The following IFNGR2 variants were observed in gnomAD, a reference collection of about 807,000 sequenced individuals.
IFNGR2 encodes the protein interferon gamma receptor 2, also known as IFN-gamma receptor 2.
Under a neutral mutation model 41.1 loss-of-function variants are expected in IFNGR2, and 15 were observed. That is an observed-to-expected ratio of 0.37 (90% CI 0.24 to 0.56). The LOEUF (loss-of-function observed/expected upper bound fraction) is 0.56, where lower values mean the gene tolerates loss of function less well. Ranked by LOEUF, IFNGR2 falls within the 20% of genes least tolerant of loss-of-function variation. The pLI, the probability that IFNGR2 is intolerant of heterozygous loss-of-function variation, is 0.81. For missense variants in IFNGR2, 362 were observed against 415.7 expected, an observed-to-expected ratio of 0.87 and a Z score of 1.12; for synonymous variants, 161 against 171.6, an observed-to-expected ratio of 0.94 and a Z score of 0.48.
In IFNGR2 at chr21:33,436,871, A is replaced by G; in HGVS notation, c.923A>G (p.Lys308Arg). ...CAGCCCATCTTAGAGGCCTTGGACA[A>G]GGACAGCTCACCAAAGGATGACGTC... is the stretch of plus-strand genomic sequence containing the variant. Reference protein sequence around the residue: ...PTQPILEALDKDSSPKDDVWD... With the variant: ...PTQPILEALDRDSSPKDDVWD... The change falls in exon 7 of 7, where the codon AAG (lysine) becomes AGG (arginine). Residue 308 changes from lysine (K) to arginine (R), a missense_variant. Physicochemically the swap from Lys to Arg is conservative, Grantham distance 26 (BLOSUM62 2). Transcript: ENST00000290219. The G allele has an allele frequency of 6.2e-7, 1 of 1,614,122 alleles. No individual in the cohort carries two copies. The highest frequency in any genetic ancestry group is 8.5e-7 in the Non-Finnish European group (1 of 1,179,932).
chr21:33,413,310 G>A (rs1315089159), intron 1 of IFNGR2, among the ~76,000 whole-genome samples: 2 of 152,190 alleles, frequency 1.3e-5, no homozygotes, highest in South Asian at 4.1e-4. Context: ...GGCCTGCTGT[G>A]TGTCAGGAGA....
rs982242535 is a variant in IFNGR2, at chr21:33,434,827, G to GTAAT, written c.879+1957_879+1960dup. On this transcript the variant is annotated intron_variant, in intron 6 of 6. Coordinates refer to ENST00000290219, the MANE Select transcript of IFNGR2 (RefSeq NM_005534.4). ...AACAGGTCTCAGAATCTTACTTGCA[G>GTAAT]TAATAATCTCTCTCTCTCCTGGTAG... Among the ~76,000 whole-genome samples, 121 of 152,242 alleles carry GTAAT rather than the reference G, an allele frequency of 7.9e-4. 1 individual carries two copies. Among genetic ancestry groups the GTAAT allele is most frequent in the African/African-American group, 2.6e-3 (109 of 41,546 alleles).
intron 3 of IFNGR2, among the ~76,000 whole-genome samples, chr21:33,422,411 T>G (rs184602528): frequency 6.6e-6 from 1 of 152,224 alleles, no homozygotes; most frequent in East Asian, 1.9e-4. Context: ...ATAAGACAAT[T>G]GAAATGTGAT....
At chr21:33,415,738 C>G (rs1379562780) in intron 2 of IFNGR2, among the ~76,000 whole-genome samples, 2 of 152,170 alleles carry the variant, frequency 1.3e-5, no homozygotes, top group African/African-American at 4.8e-5. Context: ...TCACCTGATG[C>G]TGTTTGCAGA....
At chr21:33,426,268 C>T (rs1338366035) in intron 3 of IFNGR2, among the ~76,000 whole-genome samples, 1 of 151,882 alleles carries the variant, frequency 6.6e-6, no homozygotes, top group South Asian at 2.1e-4. Flanking sequence ...CAAAAATTAG[C>T]CGGGTATGGT....
rs115458101 is a variant in IFNGR2, at chr21:33,432,763, G to A, written c.771G>A (p.Ser257=). Residue 257 remains serine (S), a synonymous_variant, in exon 6 of 7, where the codon TCG becomes TCA. Transcript: ENST00000290219. ...TCCTGATCTCCGTGGGAACATTTTC[G>A]TTGCTGTCGGTGCTGGCAGGAGCCT... ...QVILISVGTF[S]LLSVLAGACF... 42 of 1,614,048 alleles carry A rather than the reference G, an allele frequency of 2.6e-5. No homozygotes were observed. The African/African-American group carries it at 2.9e-4, about 11-fold the overall frequency.
intron 4 of IFNGR2, among the ~76,000 whole-genome samples, chr21:33,429,876 C>T (rs2083871108): frequency 6.6e-6 from 1 of 152,168 alleles, no homozygotes; most frequent in Non-Finnish European, 1.5e-5. Flanking sequence ...CGGTGGCTTA[C>T]GCCTGTAATC....
chr21:33,432,765 T>G lies in IFNGR2; in HGVS notation c.773T>G (p.Leu258Trp). 1 of 1,614,154 alleles carries G rather than the reference T, an allele frequency of 6.2e-7. No individual in the cohort carries two copies. Among genetic ancestry groups the G allele is most frequent in the Non-Finnish European group, 8.5e-7 (1 of 1,180,018 alleles). ...VILISVGTFS[L>W]LSVLAGACFF... ...CTGATCTCCGTGGGAACATTTTCGTTGCTGTCGGTGCTGGCAGGAGCCTGT... is the reference window on the plus strand; with the variant it reads ...CTGATCTCCGTGGGAACATTTTCGTGGCTGTCGGTGCTGGCAGGAGCCTGT... Residue 258 changes from leucine (L) to tryptophan (W), a missense_variant, in exon 6 of 7, where the codon TTG becomes TGG. Transcript: ENST00000290219.
chr21:33,431,396 CCT>C (rs1216439031), intron 4 of IFNGR2, among the ~76,000 whole-genome samples: 3 of 152,022 alleles, frequency 2.0e-5, no homozygotes, highest in Non-Finnish European at 4.4e-5. Flanking sequence ...ATGGTGAAAC[CCT>C]GTTTCTACTA....
Position 33,437,077 on chromosome 21 carries a change from G to T in IFNGR2, c.*115G>T. 1 of 1,029,246 alleles carries T rather than the reference G, an allele frequency of 9.7e-7. No homozygotes were observed. The highest frequency in any genetic ancestry group is 2.5e-5 in the East Asian group (1 of 40,814). The allele number at this position is 1,029,246 out of a possible 1,614,324, so 63.8% of individuals were successfully genotyped here. ...TATTCCCTTTTGCTGCCTCTAAAAGGCCTGTCCCTGCAGACATGAGAGACA... is the reference window on the plus strand; with the variant it reads ...TATTCCCTTTTGCTGCCTCTAAAAGTCCTGTCCCTGCAGACATGAGAGACA... On this transcript the variant is annotated 3_prime_UTR_variant, in exon 7 of 7. Transcript: ENST00000290219.
chr21:33,423,290 C>T (rs1034848510), intron 3 of IFNGR2, among the ~76,000 whole-genome samples: 7 of 152,110 alleles, frequency 4.6e-5, no homozygotes, highest in Non-Finnish European at 5.9e-5. Context: ...CCGCCCGCCT[C>T]GGCCTCCCAA....
In IFNGR2 at chr21:33,432,401, G is replaced by A. The variant is rs543042151; in HGVS notation, c.721+65G>A. ...AGAATACTCCTCCAATAGTGAAATC[G>A]GGGAATGCTTATGAGGTCATGGGTG... On this transcript the variant is annotated intron_variant, in intron 5 of 6. Transcript: ENST00000290219. 1.2e-4 allele frequency: 171 copies of A among 1,484,816 alleles called. No homozygotes were observed. In the African/African-American group the frequency reaches 1.8e-3, roughly 16 times the overall value. The allele number at this position is 1,484,816 out of a possible 1,614,324, so 92.0% of individuals were successfully genotyped here.
chr21:33,434,584 C>T (rs1331708077), intron 6 of IFNGR2, among the ~76,000 whole-genome samples: 1 of 151,986 alleles, frequency 6.6e-6, no homozygotes, highest in Admixed American at 6.6e-5. Flanking sequence ...TTGGGTAAAC[C>T]TAGAGTAAAG....
intron 2 of IFNGR2, among the ~76,000 whole-genome samples, chr21:33,415,554 TATAG>T (rs2083747997): frequency 6.6e-6 from 1 of 152,226 alleles, no homozygotes; most frequent in Non-Finnish European, 1.5e-5. Context: ...TATAAATACA[TATAG>T]AAAGAGGGCA....
chr21:33,409,083 A>G (rs1054132253), intron 1 of IFNGR2, among the ~76,000 whole-genome samples: 2 of 152,020 alleles, frequency 1.3e-5, no homozygotes, highest in African/African-American at 4.8e-5. Flanking sequence ...AGGCTGAGGC[A>G]GGAGAATCGC....
At chr21:33,413,515 G>C (rs1292196440) in intron 1 of IFNGR2, among the ~76,000 whole-genome samples, 1 of 152,186 alleles carries the variant, frequency 6.6e-6, no homozygotes, top group East Asian at 1.9e-4. Context: ...TTCCTGCTTT[G>C]AATTTTGGAA....
At chr21:33,403,371 G>T (rs1287158012), upstream of IFNGR2, 3 of 199,716 alleles carry the variant, frequency 1.5e-5, no homozygotes, top group Non-Finnish European at 2.8e-5. Context: ...GGGCGGGGGC[G>T]CGGGCGGCCG....
chr21:33,431,983 C>T (rs2083892391), intron 4 of IFNGR2, among the ~76,000 whole-genome samples, 194 bp from the exon 5 acceptor site: 1 of 152,254 alleles, frequency 6.6e-6, no homozygotes, highest in Non-Finnish European at 1.5e-5. Context: ...CTAAAGCTAT[C>T]AGCCTCTTTG....
intron 1 of IFNGR2, among the ~76,000 whole-genome samples, chr21:33,406,879 G>A (rs17878783): frequency 0.21 from 31,191 of 151,536 alleles, 3,953 homozygotes; most frequent in East Asian, 0.42. Context: ...GAACTCCTGG[G>A]GTCAAGAGAT....
Sources: gnomAD v4.1 joint callset for allele counts (sites outside exome capture counted in the v4.1 genomes callset) on GRCh38, gnomAD v4.1.1 for gene constraint, MANE v1.5 for transcripts, NCBI Gene and HGNC (gene_info 2026-07-23, HGNC 2026-07-21) for gene names.